CALCOCO2: variants seen among roughly 807,000 people sequenced by gnomAD.
CALCOCO2 encodes calcium binding and coiled-coil domain 2.
In CALCOCO2, 42 loss-of-function variants were observed where a neutral mutation model predicts 62.5. The observed-to-expected ratio is 0.67, with a 90% CI of 0.53 to 0.87. The LOEUF (loss-of-function observed/expected upper bound fraction) is 0.87, where lower values mean the gene tolerates loss of function less well. Ranked by LOEUF, CALCOCO2 falls within the 40% of genes least tolerant of loss-of-function variation. The probability of loss-of-function intolerance (pLI) is 0.00; values close to 1 mark genes in which losing one functional copy is unlikely to be tolerated. For missense variants in CALCOCO2, 456 were observed against 515.0 expected (o/e 0.89, Z 1.11); for synonymous variants, 167 against 173.0 (o/e 0.97, Z 0.27).
At chr17:48,841,924 A>T (rs1188501026) in intron 2 of CALCOCO2, 37 bp downstream of exon 2, 1 of 1,463,710 alleles carries the variant, frequency 6.8e-7, no homozygotes, top group East Asian at 2.3e-5. Flanking sequence ...ATCAGGAACT[A>T]GAGGTGATTC....
Position 48,852,591 on chromosome 17 carries a change from A to G in CALCOCO2, c.788A>G (p.Lys263Arg), listed in dbSNP as rs2040150681. 6.8e-6 allele frequency: 11 copies of G among 1,613,378 alleles called. No homozygotes were observed. Among genetic ancestry groups the G allele is most frequent in the Non-Finnish European group, 9.3e-6 (11 of 1,179,434 alleles). Residue 263 changes from lysine (K) to arginine (R), a missense_variant, in exon 8 of 13, where the codon AAG (lysine) becomes AGG (arginine). Lys to Arg is a conservative substitution (Grantham distance 26). Coordinates refer to ENST00000258947, the MANE Select transcript of CALCOCO2 (RefSeq NM_005831.5). ...ACAGAGCAGTTAGAGCAGCTGAAAA[A>G]GGAAAATGACCACCTCTTTCTCAGT... is the stretch of plus-strand genomic sequence containing the variant. ...DKTEQLEQLK[K>R]ENDHLFLSLT...
chr17:48,851,159 G>A lies in CALCOCO2; in HGVS notation c.614G>A (p.Trp205Ter). ...AAAGTGAAAGAACAGAAGGACTATTGGGAGACAGAGCTGCTTCAGTGAGTG... is the reference window on the plus strand; with the variant it reads ...AAAGTGAAAGAACAGAAGGACTATTAGGAGACAGAGCTGCTTCAGTGAGTG... ...ELKVKEQKDY[W>*]ETELLQLKEQ... The change falls in exon 6 of 13, where the codon TGG (tryptophan) becomes TAG (stop). Residue 205 changes from tryptophan (W) to a stop codon, truncating the protein, a stop_gained. Coordinates refer to ENST00000258947, the MANE Select transcript of CALCOCO2 (RefSeq NM_005831.5). LOFTEE classifies it high-confidence loss of function. 6.2e-7 allele frequency: 1 copy of A among 1,605,728 alleles called. No individual in the cohort carries two copies. Among genetic ancestry groups the A allele is most frequent in the Non-Finnish European group, 8.5e-7 (1 of 1,172,462 alleles).
At chr17:48,853,328 A>G (rs1313359627) in intron 9 of CALCOCO2, 6 of 223,492 alleles carry the variant, frequency 2.7e-5, no homozygotes, top group African/African-American at 1.1e-4. Context: ...ATAGGGGCAG[A>G]CAAATGAATG....
rs1420065727 is a variant in CALCOCO2 at position 48,863,235 on chromosome 17, A to T, written c.*230A>T. ...TAAGTCGCATAACTCTAGCTGTATCATCCTCTCACCTGTCATTCTTCTGAG... is the reference window on the plus strand; with the variant it reads ...TAAGTCGCATAACTCTAGCTGTATCTTCCTCTCACCTGTCATTCTTCTGAG... On this transcript the variant is annotated 3_prime_UTR_variant, in exon 13 of 13. Transcript: ENST00000258947. 4.2e-6 allele frequency: 2 copies of T among 474,942 alleles called. No homozygotes were observed. The highest frequency in any genetic ancestry group is 7.8e-6 in the Non-Finnish European group (2 of 257,824). The allele number at this position is 474,942 out of a possible 1,614,324, so 29.4% of individuals were successfully genotyped here.
rs1567756387 is a variant in CALCOCO2, at chr17:48,852,567, C to G, written c.764C>G (p.Thr255Arg). Residue 255 changes from threonine (T) to arginine (R), a missense_variant, in exon 8 of 13, where the codon ACA (threonine) becomes AGA (arginine). By Grantham distance (71) the Thr-to-Arg change is moderately conservative. Transcript: ENST00000258947. ...EKLVQGDQDK[T>R]EQLEQLKKEN... ...CTTGTTCAGGGAGATCAAGATAAGA[C>G]AGAGCAGTTAGAGCAGCTGAAAAAG... is the stretch of plus-strand genomic sequence containing the variant. 1 of 1,612,868 alleles carries G rather than the reference C, an allele frequency of 6.2e-7. No homozygotes were observed. Among genetic ancestry groups the G allele is most frequent in the African/African-American group, 1.3e-5 (1 of 74,988 alleles).
chr17:48,831,906 T>A (rs918595346), intron 1 of CALCOCO2: 1 of 152,180 alleles, frequency 6.6e-6, no homozygotes, highest in Non-Finnish European at 1.5e-5. Context: ...GGAGAATACA[T>A]GATTAAGGAA....
chr17:48,856,156 G>T lies in CALCOCO2; in HGVS notation c.977G>T (p.Arg326Ile). The T allele has an allele frequency of 6.2e-7, 1 of 1,601,802 alleles. No individual in the cohort carries two copies. The highest frequency in any genetic ancestry group is 1.1e-5 in the South Asian group (1 of 90,488). Reference protein sequence around the residue: ...ENEIICNALQRQKERLEGEND... With the variant: ...ENEIICNALQIQKERLEGEND... ...GAAATTATATGTAATGCTCTGCAGA[G>T]ACAGAAAGAGAGATTGGAAGGAGAA... The change falls in exon 10 of 13, where the codon AGA becomes ATA. Residue 326 changes from arginine to isoleucine, a missense_variant. Around this residue, in one of 3 missense-constraint regions of CALCOCO2, gnomAD observed 172 missense variants for 210.3 expected, o/e 0.82. Transcript: ENST00000258947.
At chr17:48,832,829 A>T (rs1025247086) in intron 1 of CALCOCO2, among the ~76,000 whole-genome samples, 1 of 152,154 alleles carries the variant, frequency 6.6e-6, no homozygotes, top group Non-Finnish European at 1.5e-5. Flanking sequence ...AGTTGCCCGC[A>T]CCTGATGTCC....
chr17:48,851,313 A>G, intron 6 of CALCOCO2, 136 bp downstream of exon 6: 1 of 658,102 alleles, frequency 1.5e-6, no homozygotes, highest in Non-Finnish European at 2.7e-6. Flanking sequence ...CACCCTTTGA[A>G]TCATGAATTA....
chr17:48,838,605 T>G (rs1469303278), intron 1 of CALCOCO2, among the ~76,000 whole-genome samples: 1 of 152,038 alleles, frequency 6.6e-6, no homozygotes, highest in Non-Finnish European at 1.5e-5. Flanking sequence ...TGCCAGCTAC[T>G]CGGGAGGCCG....
intron 10 of CALCOCO2, 28 bp downstream of exon 10, chr17:48,856,215 C>T: frequency 1.5e-6 from 2 of 1,321,448 alleles, no homozygotes; most frequent in Non-Finnish European, 2.2e-6. Context: ...GGTATAAAAC[C>T]CCAAGGTTTT....
chr17:48,857,198 C>CTTT (rs34508915), intron 10 of CALCOCO2, among the ~76,000 whole-genome samples: 1 of 128,146 alleles, frequency 7.8e-6, no homozygotes, highest in Non-Finnish European at 1.6e-5. Context: ...CATCTTTACC[C>CTTT]TTTTTTTTTT....
intron 10 of CALCOCO2, among the ~76,000 whole-genome samples, chr17:48,858,710 G>A (rs2040280132): frequency 6.6e-6 from 1 of 151,796 alleles, no homozygotes; most frequent in Non-Finnish European, 1.5e-5. Context: ...GGGGGCAGGT[G>A]CACACACAGT....
At chr17:48,859,007 C>G (rs2040284367) in intron 10 of CALCOCO2, among the ~76,000 whole-genome samples, 2 of 124,618 alleles carry the variant, frequency 1.6e-5, no homozygotes, top group Admixed American at 1.0e-4. Flanking sequence ...GATCGCACCA[C>G]TACACTCCAG....
At chr17:48,855,081 C>T (rs1231367383) in intron 9 of CALCOCO2, among the ~76,000 whole-genome samples, 1 of 152,096 alleles carries the variant, frequency 6.6e-6, no homozygotes, top group Non-Finnish European at 1.5e-5. Flanking sequence ...AAATGGTACA[C>T]CCTTGTTAAG....
At chr17:48,836,394 G>A (rs553397956) in intron 1 of CALCOCO2, among the ~76,000 whole-genome samples, 9 of 152,128 alleles carry the variant, frequency 5.9e-5, no homozygotes, top group Middle Eastern at 6.8e-3. Flanking sequence ...AATTAAGAGG[G>A]CTTAAAAAAA....
chr17:48,845,976 G>T, intron 2 of CALCOCO2: 1 of 701,038 alleles, frequency 1.4e-6, no homozygotes, highest in East Asian at 3.0e-5. Flanking sequence ...TGAAGAGTTG[G>T]CTGTAAAGTT....
intron 9 of CALCOCO2, chr17:48,853,256 A>C (rs2040159831): frequency 2.3e-6 from 1 of 429,322 alleles, no homozygotes; most frequent in Admixed American, 3.5e-5. Context: ...AGATGTAGTT[A>C]ACTAGATCCT....
At chr17:48,852,484 A>C in intron 7 of CALCOCO2, 22 bp from the exon 8 acceptor site, 1 of 1,603,772 alleles carries the variant, frequency 6.2e-7, no homozygotes, top group Non-Finnish European at 8.5e-7. Context: ...TATCTTGGTT[A>C]TGTTCACTAT....
Sources: gnomAD v4.1 joint callset for allele counts (sites outside exome capture counted in the v4.1 genomes callset) on GRCh38, gnomAD v4.1.1 for gene constraint, gnomAD v4.1.1 regional missense constraint, MANE v1.5 for transcripts, NCBI Gene and HGNC (gene_info 2026-07-23, HGNC 2026-07-21) for gene names.